The following TRPV4 variants were observed in gnomAD, a reference collection of about 807,000 sequenced individuals.
The protein encoded by TRPV4 is OSM9-like transient receptor potential channel 4.
TRPV4 carries 58 observed loss-of-function variants against 84.1 expected under a neutral mutation model. The observed-to-expected ratio is 0.69, with a 90% CI of 0.56 to 0.86. The LOEUF is 0.86. Ranked by LOEUF, TRPV4 falls within the 40% of genes least tolerant of loss-of-function variation. TRPV4 has a pLI of 0.00. For missense variants in TRPV4, 879 were observed against 1,181.1 expected, an observed-to-expected ratio of 0.74 and a Z score of 3.75; for synonymous variants, 489 against 500.9, an observed-to-expected ratio of 0.98 and a Z score of 0.32.
chr12:109,793,689 G>A lies in TRPV4; in HGVS notation c.1585-89C>T. 1 of 1,119,114 alleles carries A rather than the reference G, an allele frequency of 8.9e-7. No homozygotes were observed. The highest frequency in any genetic ancestry group is 1.3e-5 in the South Asian group (1 of 79,646). The allele number at this position is 1,119,114 out of a possible 1,614,324, so 69.3% of individuals were successfully genotyped here. On this transcript the variant is annotated intron_variant, in intron 9 of 15. Transcript: ENST00000261740. The surrounding 1 kb of genome is among the most constrained non-coding windows in gnomAD (Gnocchi z 4.0). ...GAGACAGAGAAAGGGATAGAAGAGA[G>A]GGAGGCAGAGGCTGGTACAGAGAAA... is the stretch of plus-strand genomic sequence containing the variant.
Position 109,808,486 on chromosome 12 carries a change from G to A in TRPV4, c.387-18C>T, listed in dbSNP as rs746020498. On this transcript the variant is annotated intron_variant, in intron 2 of 15. Transcript: ENST00000261740. ...GCTGCTTCCTGGAGGAGGTAGGGAG[G>A]CAAGTTGATGGGAGGGCTCATCCCC... is the stretch of plus-strand genomic sequence containing the variant. 4.4e-6 allele frequency: 7 copies of A among 1,606,312 alleles called. No homozygotes were observed. In the African/African-American group the frequency reaches 8.0e-5, roughly 18 times the overall value.
intron 1 of TRPV4, among the ~76,000 whole-genome samples, chr12:109,819,566 G>T (rs1338662419): frequency 6.6e-6 from 1 of 152,128 alleles, no homozygotes; most frequent in Admixed American, 6.5e-5. Flanking sequence ...CAGAGCAGCG[G>T]GTGTTTGTTT....
At chr12:109,832,030 T>C (rs1437129375) in intron 1 of TRPV4, among the ~76,000 whole-genome samples, 1 of 152,238 alleles carries the variant, frequency 6.6e-6, no homozygotes, top group Non-Finnish European at 1.5e-5. Context: ...TAAACATTGA[T>C]GGCAGCCAAC....
At chr12:109,825,279 C>G (rs771583970) in intron 1 of TRPV4, among the ~76,000 whole-genome samples, 1 of 152,112 alleles carries the variant, frequency 6.6e-6, no homozygotes, top group Non-Finnish European at 1.5e-5. Flanking sequence ...ATAATTCAAG[C>G]CTTCAGTGCA....
At chr12:109,794,579 C>T in intron 7 of TRPV4, 92 bp from the exon 8 acceptor site, 1 of 1,340,508 alleles carries the variant, frequency 7.5e-7, no homozygotes, top group Non-Finnish European at 1.1e-6. Flanking sequence ...CCACCCTCCA[C>T]CCGGACAGCG....
chr12:109,799,408 C>T (rs1487881449), intron 5 of TRPV4, among the ~76,000 whole-genome samples: 1 of 152,236 alleles, frequency 6.6e-6, no homozygotes, highest in Admixed American at 6.5e-5. Flanking sequence ...CTCGGCCTCC[C>T]AAAGTGCTGG....
At chr12:109,823,194 T>C (rs1263515354) in intron 1 of TRPV4, among the ~76,000 whole-genome samples, 1 of 152,226 alleles carries the variant, frequency 6.6e-6, no homozygotes, top group African/African-American at 2.4e-5. Context: ...CTGGCCAGCC[T>C]GTATTTACCT....
At chr12:109,808,115 C>T (rs747533996) in intron 3 of TRPV4, among the ~76,000 whole-genome samples, 181 bp downstream of exon 3, 5 of 152,158 alleles carry the variant, frequency 3.3e-5, no homozygotes, top group Admixed American at 6.5e-5. Context: ...AGCTGAGGCA[C>T]AGAGAGGTTA....
chr12:109,821,454 T>C (rs1343989510), intron 1 of TRPV4, among the ~76,000 whole-genome samples: 1 of 152,182 alleles, frequency 6.6e-6, no homozygotes, highest in African/African-American at 2.4e-5. Flanking sequence ...TGAAAAGCCC[T>C]CCTGTTTCCC....
chr12:109,821,887 G>A (rs1299987092), intron 1 of TRPV4, among the ~76,000 whole-genome samples: 1 of 152,120 alleles, frequency 6.6e-6, no homozygotes, highest in Non-Finnish European at 1.5e-5. Context: ...TTAGTTCCAT[G>A]TGGTAGGGAC....
In TRPV4 at chr12:109,796,504, A is replaced by G. The variant is rs747513226; in HGVS notation, c.1332+21T>C. On this transcript the variant is annotated intron_variant, in intron 7 of 15. Coordinates refer to ENST00000261740, the MANE Select transcript of TRPV4 (RefSeq NM_021625.5). The surrounding 1 kb of genome is among the most constrained non-coding windows in gnomAD (Gnocchi z 4.2). ...CCCTGCCCCTCCTTCCTCACACCCC[A>G]TGCCCCCTCCTGGAGCCCACCTCAA... 16 of 1,611,606 alleles carry G rather than the reference A, an allele frequency of 9.9e-6. No homozygotes were observed. The highest frequency in any genetic ancestry group is 1.4e-5 in the Non-Finnish European group (16 of 1,179,198).
chr12:109,831,667 A>G (rs1892412873), intron 1 of TRPV4, among the ~76,000 whole-genome samples: 1 of 152,204 alleles, frequency 6.6e-6, no homozygotes, highest in Non-Finnish European at 1.5e-5. Flanking sequence ...TTCCCCAGAT[A>G]TAAGGTATCT....
At chr12:109,802,660 T>G (rs917179815) in intron 4 of TRPV4, among the ~76,000 whole-genome samples, 3 of 151,468 alleles carry the variant, frequency 2.0e-5, no homozygotes, top group Non-Finnish European at 4.4e-5. Context: ...TTCACCATGT[T>G]GCCCATGCTG....
intron 14 of TRPV4, 81 bp from the exon 15 acceptor site, chr12:109,784,518 T>A: frequency 6.2e-7 from 1 of 1,604,822 alleles, no homozygotes; most frequent in South Asian, 1.1e-5. Flanking sequence ...ACCCTCCTAT[T>A]TTTTTATTAT....
In TRPV4 at chr12:109,783,295, G is replaced by A. The variant is rs1889451117; in HGVS notation, c.*326C>T. The A allele has an allele frequency of 3.4e-6, 1 of 293,060 alleles. No homozygotes were observed. Among genetic ancestry groups the A allele is most frequent in the Non-Finnish European group, 6.4e-6 (1 of 156,846 alleles). The allele number at this position is 293,060 out of a possible 1,614,324, so 18.2% of individuals were successfully genotyped here. ...GAACGGGGTCCTAAGGCCTCTGCCA[G>A]GTTCCAGCTGGGGCAGGGGTCACGT... is the stretch of plus-strand genomic sequence containing the variant. On this transcript the variant is annotated 3_prime_UTR_variant, in exon 16 of 16. Transcript: ENST00000261740. This position sits in a 1 kb window ranked among gnomAD's most constrained non-coding sequence, Gnocchi z 4.6.
intron 1 of TRPV4, among the ~76,000 whole-genome samples, chr12:109,830,332 T>C (rs1163251237): frequency 6.6e-6 from 1 of 152,152 alleles, no homozygotes; most frequent in Non-Finnish European, 1.5e-5. Flanking sequence ...CTCTGAAAAA[T>C]AGAGACAAAA....
chr12:109,810,380 G>A (rs1891447876), intron 2 of TRPV4, among the ~76,000 whole-genome samples: 1 of 152,208 alleles, frequency 6.6e-6, no homozygotes, highest in Non-Finnish European at 1.5e-5. Flanking sequence ...CCTAACAAGA[G>A]GCAGCAGGGC....
chr12:109,802,932 A>G, intron 4 of TRPV4, 59 bp downstream of exon 4: 1 of 1,587,376 alleles, frequency 6.3e-7, no homozygotes, highest in East Asian at 2.2e-5. Context: ...GAGTCAGACA[A>G]GCAAAGGACA....
intron 11 of TRPV4, 21 bp downstream of exon 11, chr12:109,792,631 G>C: frequency 2.5e-6 from 4 of 1,614,108 alleles, no homozygotes; most frequent in Non-Finnish European, 3.4e-6. Flanking sequence ...CACGAGTCCA[G>C]AGGGTCCTCC....
Sources: gnomAD v4.1 joint callset for allele counts (sites outside exome capture counted in the v4.1 genomes callset) on GRCh38, gnomAD v4.1.1 for gene constraint, Gnocchi (gnomAD v3.1) non-coding constraint, MANE v1.5 for transcripts, NCBI Gene and HGNC (gene_info 2026-07-23, HGNC 2026-07-21) for gene names.